The following NTM variants were observed in gnomAD, a reference collection of about 807,000 sequenced individuals.
NTM encodes the protein IgLON family member 2.
In NTM, 13 loss-of-function variants were observed where a neutral mutation model predicts 42.1. The observed-to-expected ratio is 0.31, with a 90% CI of 0.20 to 0.49. NTM has a LOEUF of 0.49. Among genes scored for constraint, NTM ranks in the 20% least tolerant of loss-of-function variants. The pLI is 0.99. For synonymous variants in NTM, 187 were observed against 179.2 expected (o/e 1.04, Z -0.35); for missense variants, 373 against 452.8 (o/e 0.82, Z 1.60).
At chr11:131,805,549 C>CTCTACT (rs2092433384) in intron 1 of NTM, among the ~76,000 whole-genome samples, 2 of 152,104 alleles carry the variant, frequency 1.3e-5, no homozygotes, top group Non-Finnish European at 2.9e-5. Flanking sequence ...AAAAAGTTTG[C>CTCTACT]CCTACTCTAA....
intron 1 of NTM, among the ~76,000 whole-genome samples, chr11:131,816,088 G>A (rs1565586849): frequency 6.6e-6 from 1 of 152,186 alleles, no homozygotes; most frequent in Non-Finnish European, 1.5e-5. Context: ...GATGTGAGGT[G>A]CTCTCATTAG....
At chr11:131,630,113 C>T (rs1368478823) in intron 1 of NTM, among the ~76,000 whole-genome samples, 1 of 152,108 alleles carries the variant, frequency 6.6e-6, no homozygotes, top group Non-Finnish European at 1.5e-5. Context: ...AACCCTCCTG[C>T]TAGCTGGAGC....
At chr11:131,767,952 G>T (rs1318065202) in intron 1 of NTM, among the ~76,000 whole-genome samples, 1 of 152,088 alleles carries the variant, frequency 6.6e-6, no homozygotes, top group Non-Finnish European at 1.5e-5. Context: ...GGTGATGAGA[G>T]GTCATGTGTT....
At chr11:131,522,299 G>A (rs1043592006) in intron 1 of NTM, among the ~76,000 whole-genome samples, 5 of 151,534 alleles carry the variant, frequency 3.3e-5, no homozygotes, top group Non-Finnish European at 5.9e-5. Context: ...TACGCTCTCA[G>A]TTGGCTTGTA....
At chr11:132,110,771 A>T (rs2063056521) in intron 2 of NTM, among the ~76,000 whole-genome samples, 1 of 152,076 alleles carries the variant, frequency 6.6e-6, no homozygotes, top group African/African-American at 2.4e-5. Flanking sequence ...ATGGTGGCTG[A>T]TGCCTGTAAT....
chr11:131,516,384 T>G (rs1417953608), intron 1 of NTM, among the ~76,000 whole-genome samples: 1 of 152,184 alleles, frequency 6.6e-6, no homozygotes, highest in Non-Finnish European at 1.5e-5. Context: ...CCTTTTCTTT[T>G]TATTTTTTTA....
chr11:131,710,007 G>A (rs754337478), intron 1 of NTM, among the ~76,000 whole-genome samples: 6 of 152,154 alleles, frequency 3.9e-5, no homozygotes, highest in South Asian at 2.1e-4. Context: ...TACTAAGTCC[G>A]TGTGTTGACT....
intron 1 of NTM, among the ~76,000 whole-genome samples, chr11:131,510,333 G>A (rs1382373328): frequency 6.6e-6 from 1 of 152,184 alleles, no homozygotes; most frequent in Non-Finnish European, 1.5e-5. Context: ...GAGCAGCAGG[G>A]AATCTGCCAG....
chr11:131,627,553 C>T (rs562281837), intron 1 of NTM, among the ~76,000 whole-genome samples: 6 of 151,962 alleles, frequency 3.9e-5, no homozygotes, highest in Non-Finnish European at 7.4e-5. Flanking sequence ...CTCATCTGGG[C>T]GGGCAAGGTG....
At chr11:131,389,391 C>T (rs1210458877) in intron 1 of NTM, among the ~76,000 whole-genome samples, 5 of 152,286 alleles carry the variant, frequency 3.3e-5, no homozygotes, top group South Asian at 2.1e-4. Context: ...TGCCCAGCCT[C>T]GGCAAAGCGG....
intron 2 of NTM, among the ~76,000 whole-genome samples, chr11:131,928,283 T>C (rs1259707083): frequency 6.6e-6 from 1 of 152,224 alleles, no homozygotes; most frequent in African/African-American, 2.4e-5. Flanking sequence ...TTTTTAATAA[T>C]TACATTAAGA....
intron 1 of NTM, among the ~76,000 whole-genome samples, chr11:131,383,301 C>G (rs1402743189): frequency 6.6e-6 from 1 of 152,194 alleles, no homozygotes; most frequent in Non-Finnish European, 1.5e-5. Context: ...TACACAACAA[C>G]AAGGCAGGCA....
chr11:132,131,897 T>C (rs2066889726), intron 2 of NTM, among the ~76,000 whole-genome samples: 2 of 152,070 alleles, frequency 1.3e-5, no homozygotes, highest in African/African-American at 4.8e-5. Context: ...GATTTGAGCT[T>C]GTGGTTGGAG....
intron 2 of NTM, among the ~76,000 whole-genome samples, chr11:131,923,037 A>G (rs1428623135): frequency 1.3e-5 from 2 of 151,044 alleles, no homozygotes; most frequent in Non-Finnish European, 2.9e-5. Flanking sequence ...CGTTGAATTC[A>G]TGCATCTACT....
intron 2 of NTM, among the ~76,000 whole-genome samples, chr11:132,134,704 G>GGTGTAT (rs200668358): frequency 1.2e-4 from 2 of 16,800 alleles, no homozygotes; most frequent in East Asian, 1.2e-3. Flanking sequence ...AGTATTCCAT[G>GGTGTAT]GTATATATAT....
intron 1 of NTM, among the ~76,000 whole-genome samples, chr11:131,861,560 T>G (rs2046639198): frequency 6.6e-6 from 1 of 152,184 alleles, no homozygotes; most frequent in Admixed American, 6.5e-5. Context: ...TCTCACCGGG[T>G]TACATTTTGC....
At chr11:131,817,906 G>C (rs1487035143) in intron 1 of NTM, among the ~76,000 whole-genome samples, 1 of 152,248 alleles carries the variant, frequency 6.6e-6, no homozygotes, top group Non-Finnish European at 1.5e-5. Flanking sequence ...GCCAGCTCCT[G>C]TTCCTGGGTT....
intron 1 of NTM, among the ~76,000 whole-genome samples, chr11:131,836,301 A>G (rs1321967015): frequency 6.6e-6 from 1 of 152,126 alleles, no homozygotes; most frequent in Admixed American, 6.5e-5. Flanking sequence ...ATTCTGTTGA[A>G]CTAGTTCGAG....
chr11:131,617,149 G>C (rs2062023096), intron 1 of NTM, among the ~76,000 whole-genome samples: 1 of 151,986 alleles, frequency 6.6e-6, no homozygotes, highest in South Asian at 2.1e-4. Context: ...GGTTCCCTCG[G>C]TCCTTCTCTC....
Sources: allele counts gnomAD v4.1 joint callset (sites outside exome capture counted in the v4.1 genomes callset), GRCh38; gene constraint gnomAD v4.1.1; transcripts MANE v1.5; gene names NCBI Gene and HGNC (gene_info 2026-07-23, HGNC 2026-07-21).